FBXL14: variants seen among roughly 807,000 people sequenced by gnomAD.
FBXL14 encodes the protein F-box/LRR-repeat protein 14.
Under a neutral mutation model 24.5 loss-of-function variants are expected in FBXL14, and 11 were observed. That is an observed-to-expected ratio of 0.45 (90% CI 0.28 to 0.74). The LOEUF (loss-of-function observed/expected upper bound fraction) is 0.74, where lower values mean the gene tolerates loss of function less well. FBXL14 is among the 30% of genes least tolerant of loss of function. The probability of loss-of-function intolerance (pLI) is 0.12; values close to 1 mark genes in which losing one functional copy is unlikely to be tolerated. For synonymous variants in FBXL14, 294 were observed against 240.4 expected (o/e 1.22, Z -2.06); for missense variants, 384 against 545.6 (o/e 0.70, Z 2.95).
intron 1 of FBXL14, among the ~76,000 whole-genome samples, chr12:1,572,684 G>C (rs984078863): frequency 6.6e-6 from 1 of 152,192 alleles, no homozygotes; most frequent in African/African-American, 2.4e-5. Context: ...CCCGGACAGC[G>C]TGCAGCAGAA....
At chr12:1,576,355 T>C (rs1302146128) in intron 1 of FBXL14, among the ~76,000 whole-genome samples, 1 of 152,126 alleles carries the variant, frequency 6.6e-6, no homozygotes, top group Non-Finnish European at 1.5e-5. Flanking sequence ...CTCCTCCATA[T>C]TTCTGTACCA....
At position 1,569,449 on chromosome 12, in the gene FBXL14, A is replaced by G. The variant is rs187956707; in HGVS notation, c.1195-2639T>C. Among the ~76,000 whole-genome samples the G allele has an allele frequency of 5.6e-3, 829 of 146,800 alleles. 10 individuals are homozygous for G. Among genetic ancestry groups the G allele is most frequent in the African/African-American group, 0.02 (777 of 39,276 alleles). On this transcript the variant is annotated intron_variant, in intron 1 of 1. Transcript: ENST00000339235. This position sits in a 1 kb window ranked among gnomAD's most constrained non-coding sequence, Gnocchi z 4.2. ...GGAGTCTCGCTCTGTCACCCAGGCT[A>G]GAGTGCAGTGCCGCAATCTCGGCTC... is the stretch of plus-strand genomic sequence containing the variant.
At chr12:1,581,964 A>G (rs922202717) in intron 1 of FBXL14, among the ~76,000 whole-genome samples, 1 of 152,060 alleles carries the variant, frequency 6.6e-6, no homozygotes, top group Admixed American at 6.6e-5. Flanking sequence ...GTCTCTACTA[A>G]AAAATACAAA....
At chr12:1,592,190 G>GTGTATA (rs1555152263) in intron 1 of FBXL14, among the ~76,000 whole-genome samples, 8 of 139,068 alleles carry the variant, frequency 5.8e-5, no homozygotes, top group African/African-American at 2.1e-4. Context: ...ACATATATAT[G>GTGTATA]TATATATATA....
intron 1 of FBXL14, among the ~76,000 whole-genome samples, chr12:1,582,420 TTTC>T (rs1445228091): frequency 1.3e-5 from 2 of 152,070 alleles, no homozygotes; most frequent in East Asian, 1.9e-4. Flanking sequence ...CCAGCCCCGT[TTTC>T]TTCTTCTTGG....
In FBXL14 at chr12:1,566,148, G is replaced by C. The variant is rs893642403; in HGVS notation, c.*600C>G. The C allele has an allele frequency of 7.2e-5, 11 of 152,642 alleles. No homozygotes were observed. The highest frequency in any genetic ancestry group is 2.0e-4 in the Admixed American group (3 of 15,270). 9.5% of individuals were successfully genotyped at this position (152,642 alleles called of 1,614,324 possible). Reference sequence around the variant, plus strand: ...ATTAATGAATGATAATGATTTGTCAGTGATTGAAATTGTTTCAGGGCAGGA... The same window carrying C: ...ATTAATGAATGATAATGATTTGTCACTGATTGAAATTGTTTCAGGGCAGGA... On this transcript the variant is annotated 3_prime_UTR_variant, in exon 2 of 2. Transcript: ENST00000339235.
intron 1 of FBXL14, among the ~76,000 whole-genome samples, chr12:1,585,304 A>C (rs1418814116): frequency 6.6e-6 from 1 of 152,070 alleles, no homozygotes; most frequent in African/African-American, 2.4e-5. Flanking sequence ...AGGCTGAGCC[A>C]GGAGAATGGC....
intron 1 of FBXL14, among the ~76,000 whole-genome samples, chr12:1,583,033 G>A (rs887984373): frequency 6.6e-6 from 1 of 151,610 alleles, no homozygotes; most frequent in Non-Finnish European, 1.5e-5. Context: ...TCTTCGTCAG[G>A]GCTGTTATTA....
chr12:1,578,416 G>A (rs1216298965), intron 1 of FBXL14, among the ~76,000 whole-genome samples: 1 of 152,190 alleles, frequency 6.6e-6, no homozygotes, highest in East Asian at 1.9e-4. Context: ...CGAGGTGGGT[G>A]GATCACCTGA....
In FBXL14 at chr12:1,579,344, G is replaced by A. The variant is rs917189137; in HGVS notation, c.1195-12534C>T. On this transcript the variant is annotated intron_variant, in intron 1 of 1. Transcript: ENST00000339235. The surrounding 1 kb of genome is among the most constrained non-coding windows in gnomAD (Gnocchi z 4.3). The stretch of plus-strand genomic sequence containing the variant: ...TTAAAAAATAATCTGGGCCGGGCAC[G>A]GTGGCTCACGCCTGTAATCCCAGCA... Among the ~76,000 whole-genome samples, 37 of 152,148 alleles carry A rather than the reference G, an allele frequency of 2.4e-4. No individual in the cohort carries two copies. Among genetic ancestry groups the A allele is most frequent in the African/African-American group, 4.8e-4 (20 of 41,526 alleles).
rs1404990558 is a variant in FBXL14 at position 1,579,787 on chromosome 12, T to C, written c.1195-12977A>G. On this transcript the variant is annotated intron_variant, in intron 1 of 1. Transcript: ENST00000339235. This position sits in a 1 kb window ranked among gnomAD's most constrained non-coding sequence, Gnocchi z 4.3. Reference sequence around the variant, plus strand: ...ATTCCAGAGTGAGTTTAGGAATTTGTAGTCATTTCCTTTTTACTGGGTATT... The same window carrying C: ...ATTCCAGAGTGAGTTTAGGAATTTGCAGTCATTTCCTTTTTACTGGGTATT... Among the ~76,000 whole-genome samples, 1 of 152,202 alleles carries C rather than the reference T, an allele frequency of 6.6e-6. No homozygotes were observed. The highest frequency in any genetic ancestry group is 1.5e-5 in the Non-Finnish European group (1 of 68,040).
intron 1 of FBXL14, among the ~76,000 whole-genome samples, chr12:1,578,546 CA>C (rs2154437945): frequency 6.6e-6 from 1 of 152,144 alleles, no homozygotes; most frequent in East Asian, 1.9e-4. Context: ...GAGGCTGAGG[CA>C]GGAGAATACT....
Position 1,593,967 on chromosome 12 carries a change from C to T in FBXL14, c.100G>A (p.Ala34Thr), listed in dbSNP as rs1322547112. 2 of 1,588,986 alleles carry T rather than the reference C, an allele frequency of 1.3e-6. No individual in the cohort carries two copies. Among genetic ancestry groups the T allele is most frequent in the Non-Finnish European group, 1.7e-6 (2 of 1,175,536 alleles). Residue 34 changes from alanine to threonine, a missense_variant, in exon 1 of 2, where the codon GCC (alanine) becomes ACC (threonine). Coordinates refer to ENST00000339235, the MANE Select transcript of FBXL14 (RefSeq NM_152441.3). The surrounding 1 kb of genome is among the most constrained non-coding windows in gnomAD (Gnocchi z 7.4). The stretch of plus-strand genomic sequence containing the variant: ...TTGTGGTAGGCGGCGTCCCGCCAGG[C>T]GGTGCACACCTGCGCCGCGCGCCCC... Reference protein sequence around the residue: ...DKGRAAQVCTAWRDAAYHKSV... With the variant: ...DKGRAAQVCTTWRDAAYHKSV...
chr12:1,593,588 C>T lies in FBXL14; in HGVS notation c.479G>A (p.Gly160Asp), dbSNP rs1344117070. The change falls in exon 1 of 2, where the codon GGC becomes GAC. Residue 160 changes from glycine to aspartate, a missense_variant. Physicochemically the swap from Gly to Asp is moderately conservative, Grantham distance 94. Coordinates refer to ENST00000339235, the MANE Select transcript of FBXL14 (RefSeq NM_152441.3). The surrounding 1 kb of genome is among the most constrained non-coding windows in gnomAD (Gnocchi z 7.4). ...LGGCSNITNT[G>D]LLLIAWGLQR... ...CAGACCCCAGGCGATGAGCAGAAGG[C>T]CAGTGTTGGTGATGTTGCTGCAACC... 1 of 1,614,032 alleles carries T rather than the reference C, an allele frequency of 6.2e-7. No individual in the cohort carries two copies. Among genetic ancestry groups the T allele is most frequent in the African/African-American group, 1.3e-5 (1 of 74,918 alleles).
rs2094441009 is a variant in FBXL14, at chr12:1,569,158, T to C, written c.1195-2348A>G. Reference sequence around the variant, plus strand: ...TCTCTGTACATGCAAATTTATATAATCAATGCTTGTTTTGCTTCTCTTTTT... The same window carrying C: ...TCTCTGTACATGCAAATTTATATAACCAATGCTTGTTTTGCTTCTCTTTTT... On this transcript the variant is annotated intron_variant, in intron 1 of 1. Coordinates refer to ENST00000339235, the MANE Select transcript of FBXL14 (RefSeq NM_152441.3). This position sits in a 1 kb window ranked among gnomAD's most constrained non-coding sequence, Gnocchi z 4.2. Among the ~76,000 whole-genome samples the C allele has an allele frequency of 6.6e-6, 1 of 152,210 alleles. No individual in the cohort carries two copies. Among genetic ancestry groups the C allele is most frequent in the South Asian group, 2.1e-4 (1 of 4,830 alleles).
At chr12:1,585,274 T>C (rs1341108091) in intron 1 of FBXL14, among the ~76,000 whole-genome samples, 1 of 152,160 alleles carries the variant, frequency 6.6e-6, no homozygotes, top group Non-Finnish European at 1.5e-5. Flanking sequence ...GGCAGGTGCC[T>C]GTGGTCCCCG....
chr12:1,586,368 ACAAAAAATAATAATTTTTT>A (rs1175272462), intron 1 of FBXL14, among the ~76,000 whole-genome samples: 1 of 152,134 alleles, frequency 6.6e-6, no homozygotes, highest in Non-Finnish European at 1.5e-5. Flanking sequence ...CAAAAAAAAG[ACAAAAAATAATAATTTTTT>A]TAAGAGATGG....
intron 1 of FBXL14, among the ~76,000 whole-genome samples, chr12:1,584,527 T>G (rs959719967): frequency 6.6e-6 from 1 of 152,210 alleles, no homozygotes; most frequent in Non-Finnish European, 1.5e-5. Context: ...CATCTGACCC[T>G]GAGCACAATG....
intron 1 of FBXL14, among the ~76,000 whole-genome samples, chr12:1,584,357 T>C (rs1367010126): frequency 6.6e-6 from 1 of 152,104 alleles, no homozygotes; most frequent in Non-Finnish European, 1.5e-5. Flanking sequence ...ACTCTAAAAA[T>C]CAATAAAGCA....
Sources: allele counts gnomAD v4.1 joint callset (sites outside exome capture counted in the v4.1 genomes callset), GRCh38; gene constraint gnomAD v4.1.1; non-coding constraint Gnocchi (gnomAD v3.1); transcripts MANE v1.5; gene names NCBI Gene and HGNC (gene_info 2026-07-23, HGNC 2026-07-21).